The following MYO18B variants were observed in gnomAD, a reference collection of about 807,000 sequenced individuals.
MYO18B encodes unconventional myosin-XVIIIb.
In MYO18B, 204 loss-of-function variants were observed where a neutral mutation model predicts 273.0. The ratio of observed to expected loss-of-function variants is 0.75; its 90% CI spans 0.67 to 0.84. The LOEUF is 0.84. Among genes scored for constraint, MYO18B ranks in the 40% least tolerant of loss-of-function variants. The probability of loss-of-function intolerance (pLI) is 0.00; values close to 1 mark genes in which losing one functional copy is unlikely to be tolerated. For missense variants in MYO18B, 3,212 were observed against 3,287.6 expected (o/e 0.98, Z 0.56); for synonymous variants, 1,330 against 1,305.7 (o/e 1.02, Z -0.40).
In MYO18B at chr22:25,843,839, G is replaced by T; in HGVS notation, c.3313G>T (p.Ala1105Ser). Residue 1105 changes from alanine to serine, a missense_variant, in exon 18 of 44, where the codon GCC becomes TCC. Physicochemically the swap from Ala to Ser is moderately conservative, Grantham distance 99 (BLOSUM62 1). Transcript: ENST00000335473. ...RYDLTGWLHRAKPNLSALDAP... is the reference protein window; with the variant it reads ...RYDLTGWLHRSKPNLSALDAP... The stretch of plus-strand genomic sequence containing the variant: ...CGACCTCACGGGCTGGCTCCACAGA[G>T]CCAAGCCCAACCTCTCGGCCCTGGA... The T allele has an allele frequency of 6.2e-7, 1 of 1,613,750 alleles. No homozygotes were observed. The highest frequency in any genetic ancestry group is 8.5e-7 in the Non-Finnish European group (1 of 1,179,662).
chr22:25,906,853 C>T (rs1422462461), intron 31 of MYO18B, among the ~76,000 whole-genome samples: 1 of 152,128 alleles, frequency 6.6e-6, no homozygotes, highest in Non-Finnish European at 1.5e-5. Context: ...CATTCACTAT[C>T]ATGAGAAAAG....
intron 21 of MYO18B, among the ~76,000 whole-genome samples, chr22:25,866,182 C>G (rs1469077138): frequency 1.4e-5 from 2 of 142,426 alleles, no homozygotes; most frequent in Non-Finnish European, 3.0e-5. Context: ...GCTTCCTGAG[C>G]ATTGCAATTA....
At chr22:25,951,587 G>T (rs1280367326) in intron 37 of MYO18B, among the ~76,000 whole-genome samples, 1 of 152,216 alleles carries the variant, frequency 6.6e-6, no homozygotes, top group African/African-American at 2.4e-5. Flanking sequence ...TTCCTTTGAA[G>T]TCATGGTCCC....
intron 4 of MYO18B, 140 bp from the exon 5 acceptor site, chr22:25,769,970 A>G (rs751743665): frequency 2.1e-4 from 176 of 845,542 alleles, no homozygotes; most frequent in Middle Eastern, 3.3e-4. Context: ...CATTTAAATA[A>G]GCACACTCCC....
In MYO18B at chr22:25,918,454, T is replaced by C. The variant is rs6004830; in HGVS notation, c.5365-2803T>C. On this transcript the variant is annotated intron_variant, in intron 33 of 43. Transcript: ENST00000335473. ...CCATCTTTATCAAAGTTTGAATCTTTGTGCTTTAAAAGGGAAACTCGCAGA... is the reference window on the plus strand; with the variant it reads ...CCATCTTTATCAAAGTTTGAATCTTCGTGCTTTAAAAGGGAAACTCGCAGA... Among the ~76,000 whole-genome samples, 1,195 of 152,382 alleles carry C rather than the reference T, an allele frequency of 7.8e-3. 18 individuals are homozygous for C. Among genetic ancestry groups the C allele is most frequent in the African/African-American group, 0.028 (1,147 of 41,592 alleles).
intron 5 of MYO18B, 83 bp downstream of exon 5, chr22:25,770,259 TG>T: frequency 7.2e-7 from 1 of 1,396,560 alleles, no homozygotes; most frequent in Non-Finnish European, 1.0e-6. Context: ...TTCCAGGTCC[TG>T]ATTATACTTT....
intron 21 of MYO18B, among the ~76,000 whole-genome samples, chr22:25,857,552 G>C (rs1440825046): frequency 6.6e-6 from 1 of 152,182 alleles, no homozygotes; most frequent in East Asian, 1.9e-4. Flanking sequence ...CTGCTCTCTA[G>C]GTGCTGAATA....
At chr22:25,786,250 A>G (rs2087382545) in intron 11 of MYO18B, among the ~76,000 whole-genome samples, 1 of 152,302 alleles carries the variant, frequency 6.6e-6, no homozygotes, top group South Asian at 2.1e-4. Flanking sequence ...TAATGCAATC[A>G]TGTGAGATAA....
At chr22:25,754,247 A>G (rs2086036768) in intron 1 of MYO18B, among the ~76,000 whole-genome samples, 1 of 152,218 alleles carries the variant, frequency 6.6e-6, no homozygotes, top group South Asian at 2.1e-4. Flanking sequence ...GCAGCAGGAA[A>G]AGCATTTGAG....
intron 16 of MYO18B, among the ~76,000 whole-genome samples, chr22:25,833,297 G>A (rs922940822): frequency 2.0e-5 from 3 of 152,190 alleles, no homozygotes; most frequent in African/African-American, 7.2e-5. Context: ...CTGAGCCAAA[G>A]TGAGTTCAGG....
At chr22:25,916,961 G>A (rs2092270291) in intron 33 of MYO18B, among the ~76,000 whole-genome samples, 1 of 152,212 alleles carries the variant, frequency 6.6e-6, no homozygotes, top group African/African-American at 2.4e-5. Flanking sequence ...GAACCCAGGA[G>A]GCAGAGGTTG....
chr22:25,789,108 C>T (rs756681276), intron 11 of MYO18B, among the ~76,000 whole-genome samples: 43,672 of 133,838 alleles, frequency 0.33, 8,019 homozygotes, highest in African/African-American at 0.47. Flanking sequence ...CTTCCTCCTC[C>T]TCCTCCTCCT....
rs766965906 is a variant in MYO18B at position 26,027,317 on chromosome 22, T to A, written c.7343T>A (p.Ile2448Asn). ...GACTTCGATGACTTCCTCCCAGCTA[T>A]CCGGAAGCCCCAGACACCTACCTCC... ...KVDFDDFLPA[I>N]RKPQTPTSLA... Residue 2448 changes from isoleucine (I) to asparagine (N), a missense_variant, in exon 43 of 44, where the codon ATC (isoleucine) becomes AAC (asparagine). Physicochemically the swap from Ile to Asn is moderately radical, Grantham distance 149. Transcript: ENST00000335473. The surrounding 1 kb of genome is among the most constrained non-coding windows in gnomAD (Gnocchi z 4.1). 38 of 1,613,976 alleles carry A rather than the reference T, an allele frequency of 2.4e-5. No homozygotes were observed. Among genetic ancestry groups the A allele is most frequent in the Non-Finnish European group, 3.2e-5 (38 of 1,179,880 alleles).
intron 39 of MYO18B, among the ~76,000 whole-genome samples, chr22:25,971,082 C>T (rs976506664): frequency 3.3e-5 from 5 of 152,258 alleles, no homozygotes; most frequent in Non-Finnish European, 5.9e-5. Context: ...GTAGTCCATA[C>T]TGTCTCTGTC....
chr22:25,998,155 A>G (rs369060064), intron 40 of MYO18B, among the ~76,000 whole-genome samples: 12 of 152,228 alleles, frequency 7.9e-5, no homozygotes, highest in East Asian at 5.8e-4. Context: ...ATGTGGCAGC[A>G]TTTAAACGTG....
At position 25,814,294 on chromosome 22, in the gene MYO18B, C is replaced by CTTTTTTTTTTTTTTTTTTTTTTTT. The variant is rs398036691; in HGVS notation, c.2522-9191_2522-9168dup. 6.7e-5 allele frequency among the ~76,000 whole-genome samples: 4 copies of CTTTTTTTTTTTTTTTTTTTTTTTT among 59,494 alleles called. 1 individual carries two copies. The highest frequency in any genetic ancestry group is 1.3e-4 in the Non-Finnish European group (4 of 30,814). 39.0% of individuals were successfully genotyped at this position (59,494 alleles called of 152,430 possible). On this transcript the variant is annotated intron_variant, in intron 12 of 43. Transcript: ENST00000335473. ...GCTTGCCATGCTCCCAGGCACCGTT[C>CTTTTTTTTTTTTTTTTTTTTTTTT]TTTTTTTTTTTTTTTTTTTTTTTTT...
At chr22:25,819,671 T>C (rs1330941223) in intron 12 of MYO18B, among the ~76,000 whole-genome samples, 1 of 152,208 alleles carries the variant, frequency 6.6e-6, no homozygotes, top group Non-Finnish European at 1.5e-5. Context: ...AGTGTGATAA[T>C]ATTTCTGTTT....
At chr22:25,763,024 GC>G (rs1460085490) in intron 2 of MYO18B, 1 of 745,890 alleles carries the variant, frequency 1.3e-6, no homozygotes, top group African/African-American at 1.7e-5. Flanking sequence ...ATTCCTGGCT[GC>G]CCCTGTGTTC....
chr22:25,794,193 A>G (rs975596451), intron 11 of MYO18B, among the ~76,000 whole-genome samples: 1 of 151,038 alleles, frequency 6.6e-6, no homozygotes, highest in African/African-American at 2.4e-5. Flanking sequence ...CAGCCTCCCA[A>G]AATGCTGGGA....
Sources: allele counts gnomAD v4.1 joint callset (sites outside exome capture counted in the v4.1 genomes callset), GRCh38; gene constraint gnomAD v4.1.1; non-coding constraint Gnocchi (gnomAD v3.1); transcripts MANE v1.5; gene names NCBI Gene and HGNC (gene_info 2026-07-23, HGNC 2026-07-21).